The following GGTA1 variants were observed in gnomAD, a reference collection of about 807,000 sequenced individuals.
The protein encoded by GGTA1 is inactive N-acetyllactosaminide alpha-1,3-galactosyltransferase.
A neutral mutation model predicts 2.6 loss-of-function variants in GGTA1; 5 were observed. The ratio of observed to expected loss-of-function variants is 1.92; its 90% CI spans 1.00 to 4.04. GGTA1 has a LOEUF of 4.04. Ranked by LOEUF, GGTA1 falls within the 30% of genes most tolerant of loss-of-function variation. The pLI is 0.00. For synonymous variants in GGTA1, 17 were observed against 5.0 expected, an observed-to-expected ratio of 3.38 and a Z score of -3.19; for missense variants, 50 against 16.7, an observed-to-expected ratio of 2.99 and a Z score of -3.47.
intron 1 of GGTA1, among the ~76,000 whole-genome samples, chr9:121,473,976 A>AGG (rs1828452962): frequency 8.0e-6 from 1 of 125,762 alleles, no homozygotes; most frequent in East Asian, 2.0e-4. Context: ...AGGGAGGGAG[A>AGG]GAGAGAGAGA....
intron 5 of GGTA1, 102 bp from the exon 6 acceptor site, chr9:121,455,943 A>G: frequency 4.7e-6 from 2 of 424,478 alleles, no homozygotes; most frequent in Non-Finnish European, 9.5e-6. Flanking sequence ...CAATTCCAAC[A>G]GGTCAGTGAC....
At chr9:121,482,461 T>C (rs1260603262) in intron 1 of GGTA1, among the ~76,000 whole-genome samples, 1 of 150,974 alleles carries the variant, frequency 6.6e-6, no homozygotes, top group Non-Finnish European at 1.5e-5. Context: ...AATGAGACCC[T>C]GTCTCAAAAA....
At chr9:121,481,854 G>T (rs560178881) in intron 1 of GGTA1, among the ~76,000 whole-genome samples, 14 of 151,742 alleles carry the variant, frequency 9.2e-5, no homozygotes, top group Admixed American at 8.5e-4. Flanking sequence ...AAATTAGCTG[G>T]GCGTGGTGGT....
intron 1 of GGTA1, among the ~76,000 whole-genome samples, chr9:121,485,792 G>C (rs532513711): frequency 2.6e-5 from 4 of 152,238 alleles, no homozygotes; most frequent in African/African-American, 9.6e-5. Context: ...AAGGAGGGAA[G>C]TGGGGAAGGT....
chr9:121,450,391 A>G (rs1295069199), downstream of GGTA1, among the ~76,000 whole-genome samples: 1 of 152,102 alleles, frequency 6.6e-6, no homozygotes, highest in East Asian at 1.9e-4. Context: ...TTGTTTAGAG[A>G]TTAAAGCACT....
chr9:121,454,673 G>C (rs1241157127), downstream of GGTA1, among the ~76,000 whole-genome samples: 4 of 152,064 alleles, frequency 2.6e-5, no homozygotes, highest in Non-Finnish European at 5.9e-5. Context: ...GATGAAGTTG[G>C]GGTTAAAACC....
At chr9:121,448,631 T>C (rs1190291270) in intron 7 of GGTA1, among the ~76,000 whole-genome samples, 1 of 152,142 alleles carries the variant, frequency 6.6e-6, no homozygotes, top group Non-Finnish European at 1.5e-5. Context: ...TTAAAAGAAA[T>C]TTAAAAAAGG....
chr9:121,496,280 C>T (rs113659076), intron 1 of GGTA1, among the ~76,000 whole-genome samples: 3 of 152,310 alleles, frequency 2.0e-5, no homozygotes, highest in African/African-American at 7.2e-5. Context: ...CCAGAAATCC[C>T]TATTCCTGAG....
chr9:121,448,730 AC>A (rs1423800581), intron 7 of GGTA1, among the ~76,000 whole-genome samples: 1 of 152,172 alleles, frequency 6.6e-6, no homozygotes, highest in Non-Finnish European at 1.5e-5. Context: ...TCCTGCTCCC[AC>A]ATTTGCACAG....
exon 8 of GGTA1, chr9:121,446,968 T>C (rs973915984): frequency 6.6e-6 from 1 of 152,278 alleles, no homozygotes; most frequent in East Asian, 1.9e-4. Context: ...ACAGTTTTAA[T>C]ATCTGAAGGC....
intron 2 of GGTA1, among the ~76,000 whole-genome samples, chr9:121,467,110 T>C (rs911051495): frequency 2.0e-5 from 3 of 152,184 alleles, no homozygotes; most frequent in African/African-American, 7.2e-5. Flanking sequence ...TTTTGAACCT[T>C]AAGGCTGAGC....
chr9:121,457,076 C>T (rs199504839), intron 5 of GGTA1, among the ~76,000 whole-genome samples: 8 of 152,046 alleles, frequency 5.3e-5, no homozygotes, highest in East Asian at 1.9e-4. Context: ...TAGCGGCTGT[C>T]GAGTGGAGAG....
chr9:121,495,615 G>A (rs560302200), intron 1 of GGTA1, among the ~76,000 whole-genome samples: 6 of 152,254 alleles, frequency 3.9e-5, no homozygotes, highest in Non-Finnish European at 7.4e-5. Context: ...CAGCAATCTA[G>A]CTTGCCTACC....
intron 1 of GGTA1, among the ~76,000 whole-genome samples, chr9:121,482,073 C>A (rs1203031775): frequency 1.3e-5 from 2 of 152,096 alleles, no homozygotes; most frequent in Non-Finnish European, 2.9e-5. Context: ...TGGGCACTGT[C>A]TTTCCCCGCT....
downstream of GGTA1, among the ~76,000 whole-genome samples, chr9:121,451,611 G>A (rs184547712): frequency 2.6e-5 from 4 of 152,306 alleles, no homozygotes; most frequent in Admixed American, 2.6e-4. Flanking sequence ...ATCTTCTAGG[G>A]CCAAATCCTC....
chr9:121,457,004 G>A (rs2064917053), intron 5 of GGTA1, among the ~76,000 whole-genome samples: 1 of 152,218 alleles, frequency 6.6e-6, no homozygotes, highest in African/African-American at 2.4e-5. Flanking sequence ...CCTCTAAGCA[G>A]GAGTAGGTTG....
At chr9:121,484,409 A>C (rs943130981) in intron 1 of GGTA1, among the ~76,000 whole-genome samples, 1 of 151,646 alleles carries the variant, frequency 6.6e-6, no homozygotes, top group African/African-American at 2.4e-5. Context: ...GCCCAGGCTG[A>C]AGTAGCTGGG....
In GGTA1 at chr9:121,496,751, AAAAAAAAG is replaced by A. The variant is rs1829001598; in HGVS notation, c.-10+2891_-10+2898del. On this transcript the variant is annotated intron_variant, in intron 1 of 5. Transcript: ENST00000481799. ...CATCTCAAAAAAAAAAAAAAAAAAAAAAAAAAAGAGAGAGAGAATCGCTTGAATGAACC... is the reference window on the plus strand; with the variant it reads ...CATCTCAAAAAAAAAAAAAAAAAAAAAGAGAGAGAATCGCTTGAATGAACC... 2.1e-5 allele frequency among the ~76,000 whole-genome samples: 3 copies of A among 144,046 alleles called. No individual in the cohort carries two copies. The Admixed American group carries it at 2.1e-4, about 10-fold the overall frequency. The allele number at this position is 144,046 out of a possible 152,430, so 94.5% of individuals were successfully genotyped here. A position where few individuals can be genotyped will look rare whatever the true frequency, so the allele number is the denominator to read the frequency against.
intron 2 of GGTA1, among the ~76,000 whole-genome samples, chr9:121,463,579 G>C (rs927662876): frequency 6.6e-5 from 10 of 152,036 alleles, no homozygotes; most frequent in Non-Finnish European, 1.2e-4. Context: ...TTGTAGAGAC[G>C]GGGTTTTGTC....
Sources: allele counts gnomAD v4.1 joint callset (sites outside exome capture counted in the v4.1 genomes callset), GRCh38; gene constraint gnomAD v4.1.1; transcripts MANE v1.5; gene names NCBI Gene and HGNC (gene_info 2026-07-23, HGNC 2026-07-21).